Variants in CPS1 observed in about 807,000 individuals in gnomAD.
CPS1 encodes carbamoyl-phosphate synthase 1.
A neutral mutation model predicts 174.6 loss-of-function variants in CPS1; 109 were observed. The observed-to-expected ratio is 0.62, with a 90% CI of 0.53 to 0.73. The LOEUF is 0.73. Among genes scored for constraint, CPS1 ranks in the 30% least tolerant of loss-of-function variants. CPS1 has a pLI of 0.00. For synonymous variants in CPS1, 637 were observed against 632.0 expected, an observed-to-expected ratio of 1.01 and a Z score of -0.12; for missense variants, 1,689 against 1,821.9, an observed-to-expected ratio of 0.93 and a Z score of 1.33.
chr2:210,526,685 C>T (rs1185853228), intron 1 of CPS1, among the ~76,000 whole-genome samples: 1 of 151,902 alleles, frequency 6.6e-6, no homozygotes. Context: ...CTAGAGGTTA[C>T]TGTTAAAAAG....
At chr2:210,489,373 T>A (rs1175365214) in intron 1 of CPS1, among the ~76,000 whole-genome samples, 1 of 152,170 alleles carries the variant, frequency 6.6e-6, no homozygotes, top group African/African-American at 2.4e-5. Context: ...AGAGCAAATC[T>A]TCTGTTGGGT....
intron 35 of CPS1, 105 bp downstream of exon 35, chr2:210,675,066 G>T (rs533703590): frequency 5.7e-5 from 51 of 890,830 alleles, no homozygotes; most frequent in Non-Finnish European, 9.1e-5. Context: ...ATGTCCTTTT[G>T]ATATGAAAGG....
intron 1 of CPS1, among the ~76,000 whole-genome samples, chr2:210,544,514 A>G (rs1224197197): frequency 6.6e-6 from 1 of 152,072 alleles, no homozygotes. Flanking sequence ...TGTTTTATAT[A>G]TTTAATATTA....
intron 1 of CPS1, among the ~76,000 whole-genome samples, chr2:210,570,150 A>G (rs1371762889): frequency 6.6e-6 from 1 of 152,006 alleles, no homozygotes; most frequent in Non-Finnish European, 1.5e-5. Context: ...GTTAGGAGAT[A>G]TATAGAGAGT....
chr2:210,623,590 T>C (rs1469705507), intron 21 of CPS1, among the ~76,000 whole-genome samples: 1 of 151,910 alleles, frequency 6.6e-6, no homozygotes, highest in Non-Finnish European at 1.5e-5. Flanking sequence ...CATTGGTGAG[T>C]GGTGAAAAAT....
At chr2:210,531,186 G>C (rs1696105374) in intron 1 of CPS1, among the ~76,000 whole-genome samples, 1 of 152,080 alleles carries the variant, frequency 6.6e-6, no homozygotes, top group East Asian at 1.9e-4. Flanking sequence ...GAGAGATCAT[G>C]GCCTTGGGGC....
At chr2:210,535,342 C>A (rs1696217722) in intron 1 of CPS1, among the ~76,000 whole-genome samples, 1 of 152,146 alleles carries the variant, frequency 6.6e-6, no homozygotes. Flanking sequence ...ATTCAATAGG[C>A]TCAATCTCTC....
chr2:210,663,343 A>G, intron 33 of CPS1, 146 bp downstream of exon 33: 1 of 764,850 alleles, frequency 1.3e-6, no homozygotes, highest in Non-Finnish European at 2.1e-6. Context: ...GAATTTAAAA[A>G]ATATTTTACT....
intron 1 of CPS1, among the ~76,000 whole-genome samples, chr2:210,504,666 T>C (rs753459314): frequency 1.3e-4 from 20 of 152,330 alleles, no homozygotes; most frequent in South Asian, 8.3e-4. Flanking sequence ...GATTCTCCAA[T>C]TGGATAGTTG....
At chr2:210,548,693 T>C (rs1312750654) in intron 1 of CPS1, among the ~76,000 whole-genome samples, 1 of 151,936 alleles carries the variant, frequency 6.6e-6, no homozygotes, top group Non-Finnish European at 1.5e-5. Flanking sequence ...TTCTTTTTTT[T>C]CCCCTCTCCA....
Position 210,612,311 on chromosome 2 carries a change from GC to G in CPS1, c.2568+21del. ...TTGCCAAGGTAAGATGTTACAAGGG[GC>G]CCACAGCTACTAGTTGCTTTTCCAG... On this transcript the variant is annotated intron_variant, in intron 20 of 37. Coordinates refer to ENST00000233072, the MANE Select transcript of CPS1 (RefSeq NM_001875.5). The G allele has an allele frequency of 5.0e-6, 8 of 1,611,110 alleles. No homozygotes were observed. The highest frequency in any genetic ancestry group is 6.8e-6 in the Non-Finnish European group (8 of 1,177,990).
At chr2:210,612,045 G>T (rs539667887) in intron 19 of CPS1, 72 bp from the exon 20 acceptor site, 8 of 1,286,494 alleles carry the variant, frequency 6.2e-6, no homozygotes, top group African/African-American at 1.5e-5. Context: ...TATATTTTAC[G>T]TCCAGTTCAG....
chr2:210,554,115 A>ATG (rs1349335032), upstream of CPS1, among the ~76,000 whole-genome samples: 9 of 145,228 alleles, frequency 6.2e-5, 1 homozygote, highest in Admixed American at 2.8e-4. Context: ...ACATATATAT[A>ATG]TGTATGTATA....
intron 19 of CPS1, among the ~76,000 whole-genome samples, chr2:210,610,275 T>C (rs1699066269): frequency 6.6e-6 from 1 of 151,956 alleles, no homozygotes; most frequent in African/African-American, 2.4e-5. Flanking sequence ...ATTTGGGGCT[T>C]CTTATCTGAG....
chr2:210,643,397 T>A (rs1384006023), intron 25 of CPS1, among the ~76,000 whole-genome samples: 1 of 152,174 alleles, frequency 6.6e-6, no homozygotes, highest in African/African-American at 2.4e-5. Context: ...CAGTTATTAT[T>A]ACTTTTTACC....
chr2:210,554,734 T>G (rs1289153173), upstream of CPS1, among the ~76,000 whole-genome samples: 1 of 151,256 alleles, frequency 6.6e-6, no homozygotes, highest in Non-Finnish European at 1.5e-5. Context: ...ACCCTAAAAC[T>G]TAAAGTATAA....
chr2:210,593,280 C>A, intron 11 of CPS1: 1 of 956,998 alleles, frequency 1.0e-6, no homozygotes, highest in Non-Finnish European at 1.3e-6. Context: ...TGCTCTCTCT[C>A]GTTCTCATGA....
chr2:210,489,790 A>T (rs1023236489), intron 1 of CPS1, among the ~76,000 whole-genome samples: 7 of 152,118 alleles, frequency 4.6e-5, no homozygotes, highest in Non-Finnish European at 1.0e-4. Flanking sequence ...CGAGGTCAGG[A>T]GATCGAGACC....
intron 1 of CPS1, among the ~76,000 whole-genome samples, chr2:210,510,561 G>T (rs1695435554): frequency 6.6e-6 from 1 of 152,174 alleles, no homozygotes; most frequent in Non-Finnish European, 1.5e-5. Context: ...AAGAGCTTCT[G>T]CACAGCAAAA....
Sources: gnomAD v4.1 joint callset for allele counts (sites outside exome capture counted in the v4.1 genomes callset) on GRCh38, gnomAD v4.1.1 for gene constraint, MANE v1.5 for transcripts, NCBI Gene and HGNC (gene_info 2026-07-23, HGNC 2026-07-21) for gene names.